Variants in PECR observed in about 807,000 individuals in gnomAD.
PECR encodes the protein peroxisomal trans-2-enoyl-CoA reductase.
Under a neutral mutation model 35.3 loss-of-function variants are expected in PECR, and 30 were observed. That is an observed-to-expected ratio of 0.85 (90% CI 0.64 to 1.15). The LOEUF (loss-of-function observed/expected upper bound fraction) is 1.15, where lower values mean the gene tolerates loss of function less well. Ranked by LOEUF, PECR falls within the 50% of genes most tolerant of loss-of-function variation. PECR has a pLI of 0.00. For missense variants in PECR, 392 were observed against 370.8 expected (o/e 1.06, Z -0.47); for synonymous variants, 148 against 138.9 (o/e 1.07, Z -0.46).
At chr2:216,049,411 A>G (rs1401672313) in intron 5 of PECR, 38 bp from the exon 6 acceptor site, 1 of 844,196 alleles carries the variant, frequency 1.2e-6, no homozygotes, top group East Asian at 2.5e-5. Context: ...AATAAAGTGT[A>G]TTATATTAAA....
intron 1 of PECR, among the ~76,000 whole-genome samples, chr2:216,070,837 T>G (rs1042790891): frequency 1.2e-4 from 18 of 152,144 alleles, no homozygotes; most frequent in African/African-American, 4.1e-4. Flanking sequence ...AAGAAACACT[T>G]GCGCCTGGGT....
chr2:216,063,933 C>G (rs913810750), intron 3 of PECR: 5 of 152,060 alleles, frequency 3.3e-5, no homozygotes, highest in Admixed American at 3.3e-4. Flanking sequence ...CCGTGTTGCC[C>G]AGGCTGGTCT....
At chr2:216,052,450 G>A (rs895414672) in intron 4 of PECR, among the ~76,000 whole-genome samples, 1 of 152,142 alleles carries the variant, frequency 6.6e-6, no homozygotes, top group Admixed American at 6.5e-5. Flanking sequence ...GTTTGAAAAA[G>A]TCTTTAATTC....
At chr2:216,032,803 G>T (rs1694730147) in intron 7 of PECR, 1 of 152,152 alleles carries the variant, frequency 6.6e-6, no homozygotes, top group Non-Finnish European at 1.5e-5. Context: ...CTTGAATACG[G>T]TTTAGAATCT....
rs1281547122 is a variant in PECR, at chr2:216,038,972, C to T, written c.*303G>A. 6.7e-6 allele frequency: 2 copies of T among 300,012 alleles called. No individual in the cohort carries two copies. The highest frequency in any genetic ancestry group is 1.3e-5 in the Non-Finnish European group (2 of 155,182). The allele number at this position is 300,012 out of a possible 1,614,324, so 18.6% of individuals were successfully genotyped here. A position where few individuals can be genotyped will look rare whatever the true frequency, so the allele number is the denominator to read the frequency against. ...AAAATCTTCTGGGAGTTCATGATCC[C>T]TAGAATTATCATTGATTTAAAATTA... On this transcript the variant is annotated 3_prime_UTR_variant, in exon 8 of 8. Transcript: ENST00000265322.
intron 7 of PECR, among the ~76,000 whole-genome samples, chr2:216,030,725 C>CT (rs549744417): frequency 0.48 from 70,151 of 144,666 alleles, 17,804 homozygotes; most frequent in Admixed American, 0.55. Context: ...GTATTTCTTT[C>CT]TTTCTTTTTT....
intron 1 of PECR, among the ~76,000 whole-genome samples, chr2:216,069,399 G>A (rs1695541787): frequency 1.3e-5 from 2 of 152,136 alleles, no homozygotes; most frequent in Non-Finnish European, 2.9e-5. Context: ...GATCTAAGGG[G>A]GGACTGGCCA....
In PECR at chr2:216,074,493, AAAGGAAGGAAGGAAGGAAGG is replaced by A. The variant is rs751542181; in HGVS notation, c.124+7105_124+7124del. 6.1e-3 allele frequency among the ~76,000 whole-genome samples: 807 copies of A among 133,112 alleles called. 12 individuals are homozygous for A. The highest frequency in any genetic ancestry group is 0.02 in the African/African-American group (740 of 36,334). 87.3% of individuals were successfully genotyped at this position (133,112 alleles called of 152,430 possible). On this transcript the variant is annotated intron_variant, in intron 1 of 7. Coordinates refer to ENST00000265322, the MANE Select transcript of PECR (RefSeq NM_018441.6). ...GAAAGAGAGAGAGAAAGAAAGAAAA[AAAGGAAGGAAGGAAGGAAGG>A]AAGGAAGGAAGGAAGGAAGGAAGGA...
chr2:216,065,173 T>C (rs1335016407), intron 3 of PECR, 139 bp downstream of exon 3: 1 of 756,728 alleles, frequency 1.3e-6, no homozygotes, highest in Non-Finnish European at 2.4e-6. Flanking sequence ...TACTGAAATG[T>C]ACCAATTTAC....
intron 7 of PECR, among the ~76,000 whole-genome samples, chr2:216,043,086 T>TATACGTATGTATATATATATATACAC (rs1559207913): frequency 3.7e-4 from 48 of 130,326 alleles, no homozygotes; most frequent in Non-Finnish European, 5.3e-4. Flanking sequence ...TATATACACA[T>TATACGTATGTATATATATATATACAC]ACATATATAT....
intron 4 of PECR, among the ~76,000 whole-genome samples, chr2:216,054,545 A>C (rs1180758661): frequency 1.3e-5 from 2 of 151,520 alleles, no homozygotes; most frequent in Non-Finnish European, 2.9e-5. Flanking sequence ...CATGTTGCCC[A>C]TGCTGGTCTC....
chr2:216,081,240 G>A (rs1695839764), intron 1 of PECR, among the ~76,000 whole-genome samples: 1 of 152,134 alleles, frequency 6.6e-6, no homozygotes, highest in Admixed American at 6.5e-5. Flanking sequence ...GACTCACTAT[G>A]TTCACAACTT....
chr2:216,075,206 G>A (rs1695674306), intron 1 of PECR, among the ~76,000 whole-genome samples: 1 of 152,136 alleles, frequency 6.6e-6, no homozygotes, highest in African/African-American at 2.4e-5. Context: ...GTTCGAGGCT[G>A]CAGTGAGCTA....
In PECR at chr2:216,066,412, T is replaced by C; in HGVS notation, c.231A>G (p.Ile77Met). The change falls in exon 2 of 8, where the codon ATA becomes ATG. Residue 77 changes from isoleucine (I) to methionine (M), a missense_variant. Ile to Met is a conservative substitution (Grantham distance 10). Transcript: ENST00000265322. ...CCTCCTCATTCCGGATGTTGCATTG[T>C]ATGGGAATGACTCGTGCCTGCTTTG... Reference protein sequence around the residue: ...PPTKQARVIPIQCNIRNEEEV... With the variant: ...PPTKQARVIPMQCNIRNEEEV... 6 of 1,613,262 alleles carry C rather than the reference T, an allele frequency of 3.7e-6. No individual in the cohort carries two copies. Among genetic ancestry groups the C allele is most frequent in the Non-Finnish European group, 5.1e-6 (6 of 1,179,184 alleles).
At position 216,065,486 on chromosome 2, in the gene PECR, G is replaced by A; in HGVS notation, c.259-9C>T. Reference sequence around the variant, plus strand: ...TTGACCAAATTATTCACCTAAAGAAGAACAGTAGAAGTTACTAAAAGGAAA... The same window carrying A: ...TTGACCAAATTATTCACCTAAAGAAAAACAGTAGAAGTTACTAAAAGGAAA... On this transcript the variant is annotated splice_polypyrimidine_tract_variant and intron_variant, in intron 2 of 7. Transcript: ENST00000265322. 6.4e-7 allele frequency: 1 copy of A among 1,554,758 alleles called. No individual in the cohort carries two copies. Among genetic ancestry groups the A allele is most frequent in the Non-Finnish European group, 8.9e-7 (1 of 1,126,094 alleles).
Position 216,066,151 on chromosome 2 carries a change from TAAAGGACA to T in PECR, c.258+226_258+233del, listed in dbSNP as rs547251406. On this transcript the variant is annotated intron_variant, in intron 2 of 7. Transcript: ENST00000265322. ...AAAAATAAAAATAAAAATGAAGACT[TAAAGGACA>T]AAAGGCCATCTTTAGCTGGACCACA... Among the ~76,000 whole-genome samples the T allele has an allele frequency of 1.7e-3, 253 of 152,140 alleles. 1 individual carries two copies. The highest frequency in any genetic ancestry group is 5.7e-3 in the African/African-American group (238 of 41,502).
At chr2:216,068,495 A>C (rs1384621626) in intron 1 of PECR, among the ~76,000 whole-genome samples, 17 of 152,144 alleles carry the variant, frequency 1.1e-4, no homozygotes, top group Admixed American at 1.0e-3. Context: ...CAAAATAAAG[A>C]CTTTTTCACA....
intron 4 of PECR, chr2:216,057,718 G>A (rs1449337101): frequency 1.3e-5 from 2 of 152,080 alleles, no homozygotes; most frequent in Non-Finnish European, 2.9e-5. Flanking sequence ...CCTCTTGCCT[G>A]TTCTCAGTCC....
chr2:216,037,057 T>C (rs1694805577), downstream of PECR, among the ~76,000 whole-genome samples: 3 of 150,992 alleles, frequency 2.0e-5, no homozygotes, highest in African/African-American at 7.4e-5. Flanking sequence ...CATGTGTATT[T>C]TTTCACCATT....
Sources: allele counts gnomAD v4.1 joint callset (sites outside exome capture counted in the v4.1 genomes callset), GRCh38; gene constraint gnomAD v4.1.1; transcripts MANE v1.5; gene names NCBI Gene and HGNC (gene_info 2026-07-23, HGNC 2026-07-21).